The following NEGR1 variants were observed in gnomAD, a reference collection of about 807,000 sequenced individuals.
NEGR1 encodes IgLON family member 4.
Under a neutral mutation model 40.9 loss-of-function variants are expected in NEGR1, and 10 were observed. The ratio of observed to expected loss-of-function variants is 0.24; its 90% confidence interval spans 0.15 to 0.42. The LOEUF is 0.42. Ranked by LOEUF, NEGR1 falls within the 10% of genes least tolerant of loss-of-function variation. The probability of loss-of-function intolerance (pLI) is 1.00; values close to 1 mark genes in which losing one functional copy is unlikely to be tolerated. For synonymous variants in NEGR1, 185 were observed against 166.8 expected, an observed-to-expected ratio of 1.11 and a Z score of -0.84; for missense variants, 352 against 438.9, an observed-to-expected ratio of 0.80 and a Z score of 1.77.
At chr1:72,210,154 A>G (rs950696342) in intron 1 of NEGR1, among the ~76,000 whole-genome samples, 2 of 151,872 alleles carry the variant, frequency 1.3e-5, no homozygotes, top group African/African-American at 2.4e-5. Context: ...CATTTACTCC[A>G]TAAATAAAAA....
intron 1 of NEGR1, among the ~76,000 whole-genome samples, chr1:71,964,232 A>G (rs1008564771): frequency 4.6e-5 from 7 of 152,116 alleles, no homozygotes; most frequent in African/African-American, 1.7e-4. Context: ...CCCCCATCGA[A>G]AGGCAGAGTT....
chr1:72,148,263 T>A (rs542176742), intron 1 of NEGR1, among the ~76,000 whole-genome samples: 2 of 152,296 alleles, frequency 1.3e-5, no homozygotes, highest in South Asian at 4.1e-4. Context: ...CCTCCAATTC[T>A]TGACCTGTGC....
chr1:71,501,159 G>A (rs1646996595), intron 6 of NEGR1, among the ~76,000 whole-genome samples: 1 of 152,008 alleles, frequency 6.6e-6, no homozygotes, highest in Non-Finnish European at 1.5e-5. Flanking sequence ...ACATGTGCAG[G>A]CATGTGTGCA....
intron 2 of NEGR1, among the ~76,000 whole-genome samples, chr1:71,929,462 G>T (rs1645834007): frequency 6.6e-6 from 1 of 152,112 alleles, no homozygotes; most frequent in South Asian, 2.1e-4. Context: ...GGGTTCCCAT[G>T]TATAATCTTG....
chr1:71,661,621 C>T (rs72942253), intron 4 of NEGR1, among the ~76,000 whole-genome samples: 148 of 152,152 alleles, frequency 9.7e-4, no homozygotes, highest in African/African-American at 3.3e-3. Context: ...TCTTATGACC[C>T]CCGTTACAAA....
intron 3 of NEGR1, among the ~76,000 whole-genome samples, chr1:71,760,128 C>T (rs572751150): frequency 6.6e-6 from 1 of 152,060 alleles, no homozygotes; most frequent in East Asian, 1.9e-4. Context: ...TTAAATGCCC[C>T]TGCTCTCTCA....
intron 1 of NEGR1, among the ~76,000 whole-genome samples, chr1:71,990,459 C>G (rs17092057): frequency 0.023 from 3,455 of 152,202 alleles, 118 homozygotes; most frequent in African/African-American, 0.079. Context: ...CCTCTCTTCC[C>G]ATTCAGCTTT....
intron 3 of NEGR1, among the ~76,000 whole-genome samples, chr1:71,714,894 C>T (rs1654222538): frequency 6.6e-6 from 1 of 152,200 alleles, no homozygotes; most frequent in South Asian, 2.1e-4. Flanking sequence ...GACAGTGGCC[C>T]TCTTCCAACA....
At chr1:71,700,466 A>C (rs1557618948) in intron 3 of NEGR1, among the ~76,000 whole-genome samples, 1 of 152,038 alleles carries the variant, frequency 6.6e-6, no homozygotes, top group Non-Finnish European at 1.5e-5. Context: ...ATAAATGTTA[A>C]TTTAATATCT....
intron 6 of NEGR1, among the ~76,000 whole-genome samples, chr1:71,478,538 T>C (rs1646835951): frequency 6.6e-6 from 1 of 152,040 alleles, no homozygotes; most frequent in East Asian, 1.9e-4. Context: ...CTTGATATTT[T>C]TATTTGGACC....
At chr1:72,203,649 C>T (rs1653292912) in intron 1 of NEGR1, among the ~76,000 whole-genome samples, 2 of 152,050 alleles carry the variant, frequency 1.3e-5, no homozygotes, top group South Asian at 4.1e-4. Context: ...TGAAGAAATG[C>T]TAGTGTGGGT....
chr1:71,670,446 G>C (rs1175518483), intron 4 of NEGR1, among the ~76,000 whole-genome samples: 3 of 151,976 alleles, frequency 2.0e-5, no homozygotes, highest in Non-Finnish European at 4.4e-5. Context: ...TTATCCTTCT[G>C]GTTCATACAT....
chr1:71,580,304 T>G, intron 6 of NEGR1, among the ~76,000 whole-genome samples: 2 of 129,966 alleles, frequency 1.5e-5, no homozygotes, highest in Non-Finnish European at 1.6e-5. Context: ...CTGGAGACTG[T>G]TGTGGGGCAT....
intron 6 of NEGR1, among the ~76,000 whole-genome samples, chr1:71,553,510 G>A (rs1186371774): frequency 6.6e-6 from 1 of 151,450 alleles, no homozygotes; most frequent in African/African-American, 2.4e-5. Flanking sequence ...GACACTATCA[G>A]AATGTGTCAT....
intron 2 of NEGR1, among the ~76,000 whole-genome samples, chr1:71,898,732 A>T (rs1341778248): frequency 6.6e-6 from 1 of 151,400 alleles, no homozygotes; most frequent in Non-Finnish European, 1.5e-5. Flanking sequence ...TTGTGTTTAA[A>T]TAAATGTTTG....
chr1:71,902,749 TTTAACAATTCTAAGGA>T (rs1256921621), intron 2 of NEGR1, among the ~76,000 whole-genome samples: 1 of 152,190 alleles, frequency 6.6e-6, no homozygotes. Flanking sequence ...AATTTTTATT[TTTAACAATTCTAAGGA>T]ATATACAATG....
At chr1:72,108,466 A>C (rs916362647) in intron 1 of NEGR1, among the ~76,000 whole-genome samples, 1 of 151,666 alleles carries the variant, frequency 6.6e-6, no homozygotes, top group African/African-American at 2.4e-5. Context: ...AGATAAAAAT[A>C]AACTATTTAT....
At chr1:71,483,723 A>G (rs1177686370) in intron 6 of NEGR1, among the ~76,000 whole-genome samples, 1 of 151,788 alleles carries the variant, frequency 6.6e-6, no homozygotes, top group Non-Finnish European at 1.5e-5. Flanking sequence ...GAAAGGCAGC[A>G]TTGCAGCAGT....
intron 3 of NEGR1, among the ~76,000 whole-genome samples, chr1:71,702,745 C>T (rs1447033550): frequency 1.5e-5 from 2 of 136,962 alleles, no homozygotes; most frequent in Non-Finnish European, 3.2e-5. Flanking sequence ...AAAAAAAACA[C>T]TTTCAGACAT....
Sources: allele counts gnomAD v4.1 joint callset (sites outside exome capture counted in the v4.1 genomes callset), GRCh38; gene constraint gnomAD v4.1.1; transcripts MANE v1.5; gene names NCBI Gene and HGNC (gene_info 2026-07-23, HGNC 2026-07-21).